GPR161: variants seen among roughly 807,000 people sequenced by gnomAD.
GPR161 encodes the protein G protein-coupled receptor 161.
In GPR161, 25 loss-of-function variants were observed where a neutral mutation model predicts 39.2. The observed-to-expected ratio is 0.64, with a 90% CI of 0.47 to 0.89. The LOEUF (loss-of-function observed/expected upper bound fraction) is 0.89, where lower values mean the gene tolerates loss of function less well. Among genes scored for constraint, GPR161 ranks in the 40% least tolerant of loss-of-function variants. The pLI is 0.00. For missense variants in GPR161, 547 were observed against 677.8 expected (o/e 0.81, Z 2.14); for synonymous variants, 286 against 276.6 (o/e 1.03, Z -0.34).
Position 168,084,968 on chromosome 1 carries a change from C to CT in GPR161, c.*562dup. The stretch of plus-strand genomic sequence containing the variant: ...AGGACCGCTCCGAAGCGCTCTGCTC[C>CT]TGGGTGCTTTCTCTGCGGACCAGTC... On this transcript the variant is annotated 3_prime_UTR_variant, in exon 6 of 6. Coordinates refer to ENST00000682931, the MANE Select transcript of GPR161 (RefSeq NM_001375883.1). The CT allele has an allele frequency of 2.2e-6, 1 of 456,346 alleles. No individual in the cohort carries two copies. The highest frequency in any genetic ancestry group is 4.4e-6 in the Non-Finnish European group (1 of 226,988). 28.3% of individuals were successfully genotyped at this position (456,346 alleles called of 1,614,324 possible).
intron 3 of GPR161, among the ~76,000 whole-genome samples, chr1:168,095,390 A>C (rs992775528): frequency 6.6e-6 from 1 of 152,186 alleles, no homozygotes; most frequent in Non-Finnish European, 1.5e-5. Flanking sequence ...CAAGACAGTA[A>C]CCCTAGAGGA....
At chr1:168,122,600 A>G (rs1382617298) in intron 1 of GPR161, among the ~76,000 whole-genome samples, 1 of 152,148 alleles carries the variant, frequency 6.6e-6, no homozygotes, top group East Asian at 1.9e-4. Flanking sequence ...CAATCTCTTA[A>G]TAAAAATTAC....
chr1:168,105,246 G>C (rs555482729), intron 1 of GPR161, among the ~76,000 whole-genome samples: 1 of 152,288 alleles, frequency 6.6e-6, no homozygotes, highest in South Asian at 2.1e-4. Context: ...TGGGCGCAGA[G>C]ATCACAGGCA....
rs570969621 is a variant in GPR161 at position 168,125,845 on chromosome 1, T to C, written c.-45+10894A>G. ...GTTAGCCAGGCTGGTCTCAAACTCCTGACCTCATGATCTGCCCGCCTCGGC... is the reference window on the plus strand; with the variant it reads ...GTTAGCCAGGCTGGTCTCAAACTCCCGACCTCATGATCTGCCCGCCTCGGC... On this transcript the variant is annotated intron_variant, in intron 1 of 5. Coordinates refer to ENST00000682931, the MANE Select transcript of GPR161 (RefSeq NM_001375883.1). Among the ~76,000 whole-genome samples, 5 of 152,314 alleles carry C rather than the reference T, an allele frequency of 3.3e-5. No homozygotes were observed. The East Asian group carries it at 5.8e-4, about 18-fold the overall frequency.
chr1:168,123,533 T>TACACACACACAC (rs879589931), intron 1 of GPR161, among the ~76,000 whole-genome samples: 2 of 97,570 alleles, frequency 2.0e-5, no homozygotes, highest in African/African-American at 4.7e-5. Context: ...GATATGCACA[T>TACACACACACAC]ACATACACAC....
intron 1 of GPR161, among the ~76,000 whole-genome samples, chr1:168,130,443 A>C (rs1698905237): frequency 6.6e-6 from 1 of 152,204 alleles, no homozygotes; most frequent in Non-Finnish European, 1.5e-5. Flanking sequence ...ACAGAACCTT[A>C]GCATGAAGAA....
intron 1 of GPR161, among the ~76,000 whole-genome samples, chr1:168,114,041 T>C (rs1365173299): frequency 6.6e-6 from 1 of 152,236 alleles, no homozygotes; most frequent in African/African-American, 2.4e-5. Context: ...TGTTGTGTTT[T>C]ATAAACTGCT....
chr1:168,106,457 G>A (rs1330124532), intron 1 of GPR161, among the ~76,000 whole-genome samples: 2 of 152,154 alleles, frequency 1.3e-5, no homozygotes, highest in Admixed American at 6.5e-5. Context: ...GGGAATGGTC[G>A]TACATTCCTG....
intron 2 of GPR161, among the ~76,000 whole-genome samples, chr1:168,100,093 T>A (rs1270511996): frequency 6.6e-6 from 1 of 151,080 alleles, no homozygotes; most frequent in Non-Finnish European, 1.5e-5. Context: ...TAGACTTAGC[T>A]ATTTGGGAGG....
At position 168,098,205 on chromosome 1, in the gene GPR161, G is replaced by A. The variant is rs1695736191; in HGVS notation, c.375-973C>T. Reference sequence around the variant, plus strand: ...GGTATGGAGTTGTGAGTGAGCACCAGCTCAGCAGGGAGGCTGCATGGAGCT... The same window carrying A: ...GGTATGGAGTTGTGAGTGAGCACCAACTCAGCAGGGAGGCTGCATGGAGCT... On this transcript the variant is annotated intron_variant, in intron 2 of 5. Coordinates refer to ENST00000682931, the MANE Select transcript of GPR161 (RefSeq NM_001375883.1). The surrounding 1 kb of genome is among the most constrained non-coding windows in gnomAD (Gnocchi z 4.1). 6.6e-6 allele frequency among the ~76,000 whole-genome samples: 1 copy of A among 152,218 alleles called. No homozygotes were observed. Among genetic ancestry groups the A allele is most frequent in the African/African-American group, 2.4e-5 (1 of 41,454 alleles).
At chr1:168,117,292 A>G (rs1697712332) in intron 1 of GPR161, among the ~76,000 whole-genome samples, 1 of 152,244 alleles carries the variant, frequency 6.6e-6, no homozygotes, top group Non-Finnish European at 1.5e-5. Flanking sequence ...CAGTATTTGC[A>G]AAACGCAGTG....
At chr1:168,102,506 C>T (rs1284859009) in intron 2 of GPR161, among the ~76,000 whole-genome samples, 1 of 152,170 alleles carries the variant, frequency 6.6e-6, no homozygotes, top group East Asian at 1.9e-4. Context: ...GAGTAGACAT[C>T]CAACCAATAT....
At chr1:168,114,171 G>A (rs1276314282) in intron 1 of GPR161, among the ~76,000 whole-genome samples, 1 of 152,008 alleles carries the variant, frequency 6.6e-6, no homozygotes, top group Non-Finnish European at 1.5e-5. Context: ...GTTATTTTGT[G>A]GTCTCATATT....
chr1:168,137,462 TA>T (rs1699471289), upstream of GPR161: 1 of 1,431,646 alleles, frequency 7.0e-7, no homozygotes, highest in African/African-American at 1.4e-5. Context: ...GCTCTGTTAA[TA>T]CCACAGTGAA....
At chr1:168,115,143 G>C (rs749357752) in intron 1 of GPR161, among the ~76,000 whole-genome samples, 2 of 152,150 alleles carry the variant, frequency 1.3e-5, no homozygotes, top group Non-Finnish European at 2.9e-5. Flanking sequence ...GGGCAAAGGG[G>C]TGGATAGGTG....
At chr1:168,121,596 G>A (rs1448494089) in intron 1 of GPR161, among the ~76,000 whole-genome samples, 1 of 152,166 alleles carries the variant, frequency 6.6e-6, no homozygotes, top group Non-Finnish European at 1.5e-5. Flanking sequence ...ACTCAGGGGA[G>A]AGTCTCAGGC....
intron 3 of GPR161, among the ~76,000 whole-genome samples, chr1:168,095,542 G>A (rs979830126): frequency 2.0e-5 from 3 of 152,228 alleles, no homozygotes; most frequent in Non-Finnish European, 2.9e-5. Context: ...TGGTGGGATT[G>A]TGTCCGGAAA....
chr1:168,088,769 AC>A (rs1694783614), intron 4 of GPR161: 1 of 152,202 alleles, frequency 6.6e-6, no homozygotes, highest in African/African-American at 2.4e-5. Flanking sequence ...TGAGACTCAC[AC>A]CAGATCTGTG....
At chr1:168,105,903 C>T (rs899938350) in intron 1 of GPR161, among the ~76,000 whole-genome samples, 1 of 152,232 alleles carries the variant, frequency 6.6e-6, no homozygotes, top group Admixed American at 6.5e-5. Context: ...TCGCTTTCCA[C>T]GATCAAGACA....
Sources: gnomAD v4.1 joint callset for allele counts (sites outside exome capture counted in the v4.1 genomes callset) on GRCh38, gnomAD v4.1.1 for gene constraint, Gnocchi (gnomAD v3.1) non-coding constraint, MANE v1.5 for transcripts, NCBI Gene and HGNC (gene_info 2026-07-23, HGNC 2026-07-21) for gene names.